The following TENM3 variants were observed in gnomAD, a reference collection of about 807,000 sequenced individuals.
The protein encoded by TENM3 is teneurin transmembrane protein 3.
Under a neutral mutation model 255.1 loss-of-function variants are expected in TENM3, and 63 were observed. The ratio of observed to expected loss-of-function variants is 0.25; its 90% CI spans 0.20 to 0.30. TENM3 has a LOEUF of 0.30. TENM3 is among the 10% of genes least tolerant of loss of function. The pLI is 1.00. For missense variants in TENM3, 2,929 were observed against 3,461.1 expected (o/e 0.85, Z 3.86); for synonymous variants, 1,306 against 1,322.3 (o/e 0.99, Z 0.27).
the TENM3 span, among the ~76,000 whole-genome samples, chr4:181,612,445 C>A: frequency 2.1e-3 from 318 of 151,978 alleles, no homozygotes; most frequent in Non-Finnish European, 3.5e-3. Context: ...GTCATTAACA[C>A]CTAATTAGAA....
At chr4:181,970,571 T>C in the TENM3 span, among the ~76,000 whole-genome samples, 5 of 152,222 alleles carry the variant, frequency 3.3e-5, no homozygotes, top group African/African-American at 1.2e-4. Flanking sequence ...CCATCAGTGA[T>C]TCATAACCAC....
the TENM3 span, among the ~76,000 whole-genome samples, chr4:181,469,276 CTCTTT>C: frequency 6.6e-6 from 1 of 152,078 alleles, no homozygotes. Flanking sequence ...TCACTAAATT[CTCTTT>C]TCTTTTATAT....
At chr4:181,595,791 G>C in the TENM3 span, among the ~76,000 whole-genome samples, 1 of 151,980 alleles carries the variant, frequency 6.6e-6, no homozygotes, top group Non-Finnish European at 1.5e-5. Context: ...TTCTATCTTA[G>C]AGGATTTTTC....
chr4:181,893,491 A>ACCCCC, the TENM3 span, among the ~76,000 whole-genome samples: 6 of 24,906 alleles, frequency 2.4e-4, no homozygotes, highest in Non-Finnish European at 3.8e-4. Context: ...TCCCCTGCCC[A>ACCCCC]CCCCCCCCCC....
At chr4:181,590,971 CCTTA>C in the TENM3 span, among the ~76,000 whole-genome samples, 2 of 152,142 alleles carry the variant, frequency 1.3e-5, no homozygotes, top group Non-Finnish European at 2.9e-5. Context: ...TAAATAATCT[CCTTA>C]CTTATATTGA....
At chr4:182,049,963 A>G in the TENM3 span, among the ~76,000 whole-genome samples, 1 of 151,102 alleles carries the variant, frequency 6.6e-6, no homozygotes, top group Non-Finnish European at 1.5e-5. Flanking sequence ...AGGCAAGGGC[A>G]CGTTTAAAAA....
In TENM3 at chr4:182,532,923, A is replaced by C. The variant is rs527322005; in HGVS notation, c.512-68001A>C. ...AAAGTATCGGTACTCACTATATAAT[A>C]TGCAAAATCAATCCGATGTGGATAA... On this transcript the variant is annotated intron_variant, in intron 3 of 27. Transcript: ENST00000511685. Among the ~76,000 whole-genome samples the C allele has an allele frequency of 2.1e-3, 316 of 152,358 alleles. 2 individuals carry two copies. The highest frequency in any genetic ancestry group is 3.1e-3 in the Non-Finnish European group (213 of 68,038).
At chr4:181,617,867 T>C in the TENM3 span, among the ~76,000 whole-genome samples, 1 of 152,170 alleles carries the variant, frequency 6.6e-6, no homozygotes, top group Non-Finnish European at 1.5e-5. Flanking sequence ...CAAAGACAGA[T>C]ACATCAGAAA....
At chr4:182,700,550 G>C (rs535089105) in intron 12 of TENM3, among the ~76,000 whole-genome samples, 4 of 152,244 alleles carry the variant, frequency 2.6e-5, no homozygotes, top group African/African-American at 9.6e-5. Context: ...TTCATGATAA[G>C]TTCAGTGACC....
chr4:181,929,382 C>T, the TENM3 span, among the ~76,000 whole-genome samples: 2 of 151,734 alleles, frequency 1.3e-5, no homozygotes, highest in East Asian at 3.9e-4. Context: ...AGTTGCAATC[C>T]TAGTCTCTGG....
the TENM3 span, among the ~76,000 whole-genome samples, chr4:181,934,712 T>C: frequency 1.3e-5 from 2 of 152,170 alleles, no homozygotes; most frequent in African/African-American, 4.8e-5. Context: ...TTTTAAACTC[T>C]AACAATAGAA....
At chr4:181,603,290 A>T in the TENM3 span, among the ~76,000 whole-genome samples, 1 of 152,142 alleles carries the variant, frequency 6.6e-6, no homozygotes. Context: ...TCAGTTGGAG[A>T]TCCTAATAGG....
chr4:181,597,006 G>T, the TENM3 span, among the ~76,000 whole-genome samples: 1 of 152,036 alleles, frequency 6.6e-6, no homozygotes, highest in African/African-American at 2.4e-5. Context: ...AATCTGTACA[G>T]CAAACCCCAT....
At chr4:181,859,367 T>C in the TENM3 span, among the ~76,000 whole-genome samples, 1 of 152,104 alleles carries the variant, frequency 6.6e-6, no homozygotes, top group Non-Finnish European at 1.5e-5. Context: ...AGTCCCTTTC[T>C]AGAAAAATTA....
At chr4:181,614,370 G>A in the TENM3 span, among the ~76,000 whole-genome samples, 1 of 152,046 alleles carries the variant, frequency 6.6e-6, no homozygotes, top group Non-Finnish European at 1.5e-5. Context: ...TGTTTTTACA[G>A]GATTTTGGGG....
chr4:181,833,813 C>G, the TENM3 span, among the ~76,000 whole-genome samples: 1 of 151,916 alleles, frequency 6.6e-6, no homozygotes, highest in Non-Finnish European at 1.5e-5. Context: ...GGTAATATGT[C>G]TCTTTTCTCT....
intron 3 of TENM3, among the ~76,000 whole-genome samples, chr4:182,524,470 TTCTCAAGCC>T (rs1438127654): frequency 1.3e-5 from 2 of 149,722 alleles, no homozygotes; most frequent in African/African-American, 4.9e-5. Context: ...CAAGCAATCT[TTCTCAAGCC>T]TCTCAAGCAG....
chr4:181,553,378 GTA>G, the TENM3 span, among the ~76,000 whole-genome samples: 1 of 150,734 alleles, frequency 6.6e-6, no homozygotes. Context: ...TATATTTTAT[GTA>G]TATATCCAAG....
intron 2 of TENM3, among the ~76,000 whole-genome samples, chr4:182,339,477 C>G (rs1252597816): frequency 6.6e-6 from 1 of 152,186 alleles, no homozygotes; most frequent in Admixed American, 6.5e-5. Flanking sequence ...GTTAAGTAGG[C>G]AAGGGCTTCT....
Sources: gnomAD v4.1 joint callset for allele counts (sites outside exome capture counted in the v4.1 genomes callset) on GRCh38, gnomAD v4.1.1 for gene constraint, MANE v1.5 for transcripts, NCBI Gene and HGNC (gene_info 2026-07-23, HGNC 2026-07-21) for gene names.